ZNF287: variants seen among roughly 807,000 people sequenced by gnomAD.
ZNF287 encodes zinc finger protein 287.
In ZNF287, 31 loss-of-function variants were observed where a neutral mutation model predicts 73.7. The observed-to-expected ratio is 0.42, with a 90% CI of 0.32 to 0.57. The LOEUF (loss-of-function observed/expected upper bound fraction) is 0.57, where lower values mean the gene tolerates loss of function less well. ZNF287 is among the 20% of genes least tolerant of loss of function. The pLI is 0.13. For missense variants in ZNF287, 641 were observed against 909.3 expected (o/e 0.70, Z 3.79); for synonymous variants, 301 against 307.2 (o/e 0.98, Z 0.21).
chr17:16,556,900 T>C (rs1907112967), intron 5 of ZNF287, among the ~76,000 whole-genome samples: 1 of 151,680 alleles, frequency 6.6e-6, no homozygotes, highest in African/African-American at 2.4e-5. Flanking sequence ...CAGGCTGGAG[T>C]GCAATGGCGC....
intron 5 of ZNF287, among the ~76,000 whole-genome samples, chr17:16,556,027 T>C (rs1010784742): frequency 6.7e-6 from 1 of 148,404 alleles, no homozygotes; most frequent in Non-Finnish European, 1.5e-5. Flanking sequence ...TAACAGAATA[T>C]TGATAACTGA....
Position 16,551,669 on chromosome 17 carries a change from CAA to C in ZNF287, c.*185_*186del, listed in dbSNP as rs1463435800. On this transcript the variant is annotated 3_prime_UTR_variant, in exon 6 of 6. Transcript: ENST00000395825. Reference sequence around the variant, plus strand: ...TCATATCAAATTAAGGTTAAGAAGTCAAGTTTCCTTCTTAAATTTCACATTAA... The same window carrying C: ...TCATATCAAATTAAGGTTAAGAAGTCGTTTCCTTCTTAAATTTCACATTAA... The C allele has an allele frequency of 2.7e-5, 15 of 553,300 alleles. No homozygotes were observed. The highest frequency in any genetic ancestry group is 4.2e-5 in the Non-Finnish European group (14 of 333,072). 34.3% of individuals were successfully genotyped at this position (553,300 alleles called of 1,614,324 possible).
intron 5 of ZNF287, among the ~76,000 whole-genome samples, chr17:16,558,746 G>C (rs1193465277): frequency 6.6e-6 from 1 of 152,204 alleles, no homozygotes; most frequent in African/African-American, 2.4e-5. Context: ...TGGAGGCCAA[G>C]GCAGGTGGAT....
intron 5 of ZNF287, among the ~76,000 whole-genome samples, chr17:16,557,812 G>A (rs182465675): frequency 1.3e-5 from 2 of 152,174 alleles, no homozygotes; most frequent in Non-Finnish European, 2.9e-5. Flanking sequence ...CACTATGTAA[G>A]AACAGGCTAG....
intron 5 of ZNF287, among the ~76,000 whole-genome samples, chr17:16,556,743 G>C (rs1387459556): frequency 6.6e-6 from 1 of 152,108 alleles, no homozygotes; most frequent in Non-Finnish European, 1.5e-5. Flanking sequence ...ATCAGTATCA[G>C]TCTATGACAG....
chr17:16,560,328 A>AT (rs1266369561), intron 5 of ZNF287, among the ~76,000 whole-genome samples: 2 of 143,276 alleles, frequency 1.4e-5, no homozygotes, highest in African/African-American at 2.7e-5. Context: ...ATATATATAT[A>AT]TATATGGGGT....
At chr17:16,560,511 A>G (rs937739270) in intron 5 of ZNF287, among the ~76,000 whole-genome samples, 9 of 150,446 alleles carry the variant, frequency 6.0e-5, no homozygotes, top group East Asian at 2.0e-4. Flanking sequence ...CACCACGCCC[A>G]GCTAATTTTT....
rs142144027 is a variant in ZNF287, at chr17:16,548,135, T to C, written c.*3721A>G. 4.3e-4 allele frequency among the ~76,000 whole-genome samples: 66 copies of C among 152,322 alleles called. No homozygotes were observed. Among genetic ancestry groups the C allele is most frequent in the Non-Finnish European group, 5.1e-4 (35 of 68,030 alleles). ...ATGAGACAATGGATTCAGGCAACGA[T>C]CACCGTTGGTTACTTTTTACCAGGT... is the stretch of plus-strand genomic sequence containing the variant. On this transcript the variant is annotated 3_prime_UTR_variant, in exon 6 of 6. Transcript: ENST00000395825.
At chr17:16,563,054 A>C in intron 5 of ZNF287, 92 bp downstream of exon 5, 1 of 1,036,268 alleles carries the variant, frequency 9.7e-7, no homozygotes, top group South Asian at 1.5e-5. Context: ...CTTTGCAAAA[A>C]GTGACCTGGT....
In ZNF287 at chr17:16,552,182, C is replaced by A; in HGVS notation, c.1960G>T (p.Gly654Trp). The change falls in exon 6 of 6, where the codon GGG becomes TGG. Residue 654 changes from glycine to tryptophan, a missense_variant. This residue lies in a region of ZNF287 where 284 missense variants were observed against 466.8 expected (regional missense o/e 0.61). Coordinates refer to ENST00000395825, the MANE Select transcript of ZNF287 (RefSeq NM_020653.4). The surrounding 1 kb of genome is among the most constrained non-coding windows in gnomAD (Gnocchi z 6.5). Reference protein sequence around the residue: ...GEKPFKCNICGKAYRQGANLT... With the variant: ...GEKPFKCNICWKAYRQGANLT... ...TTTGCGCCTTGTCTATATGCTTTCC[C>A]ACATATATTGCATTTAAAGGGTTTT... 6.2e-7 allele frequency: 1 copy of A among 1,613,924 alleles called. No individual in the cohort carries two copies. The highest frequency in any genetic ancestry group is 8.5e-7 in the Non-Finnish European group (1 of 1,179,974).
intron 5 of ZNF287, among the ~76,000 whole-genome samples, chr17:16,561,265 G>T (rs1907438544): frequency 6.6e-6 from 1 of 152,082 alleles, no homozygotes. Flanking sequence ...AGTGAGAGGA[G>T]ATCACGCCAC....
At position 16,553,478 on chromosome 17, in the gene ZNF287, T is replaced by C. The variant is rs116108557; in HGVS notation, c.716-52A>G. The C allele has an allele frequency of 5.5e-4, 739 of 1,336,494 alleles. 5 individuals carry two copies. In the African/African-American group the frequency reaches 0.01, roughly 19 times the overall value. 82.8% of individuals were successfully genotyped at this position (1,336,494 alleles called of 1,614,324 possible). Reference sequence around the variant, plus strand: ...CTTCATTTATTTGGAGAAAGGAAACTGCCAAAATAGAAACAAAAGAATAAA... The same window carrying C: ...CTTCATTTATTTGGAGAAAGGAAACCGCCAAAATAGAAACAAAAGAATAAA... On this transcript the variant is annotated intron_variant, in intron 5 of 5. Coordinates refer to ENST00000395825, the MANE Select transcript of ZNF287 (RefSeq NM_020653.4).
At position 16,550,531 on chromosome 17, in the gene ZNF287, C is replaced by T. The variant is rs559921663; in HGVS notation, c.*1325G>A. 2.6e-5 allele frequency among the ~76,000 whole-genome samples: 4 copies of T among 152,314 alleles called. No individual in the cohort carries two copies. The highest frequency in any genetic ancestry group is 1.9e-4 in the East Asian group (1 of 5,188). ...CATTATTTATATAGCTACACTATCA[C>T]TTCCACTTCCTTCTCTTGGGATATA... On this transcript the variant is annotated 3_prime_UTR_variant, in exon 6 of 6. Coordinates refer to ENST00000395825, the MANE Select transcript of ZNF287 (RefSeq NM_020653.4).
chr17:16,552,503 G>A lies in ZNF287; in HGVS notation c.1639C>T (p.Gln547Ter), dbSNP rs1313113861. Residue 547 changes from glutamine to a stop codon, truncating the protein, a stop_gained, in exon 6 of 6, where the codon CAG (glutamine) becomes TAG (stop). Coordinates refer to ENST00000395825, the MANE Select transcript of ZNF287 (RefSeq NM_020653.4). LOFTEE classifies it high-confidence loss of function. This position sits in a 1 kb window ranked among gnomAD's most constrained non-coding sequence, Gnocchi z 6.5. Reference protein sequence around the residue: ...KCNECWKVFSQSTYLIRHQRI... With the variant: ...KCNECWKVFS ...TGATGTCGAATAAGGTAAGTACTCTGACTAAACACTTTCCAACATTCATTG... is the reference window on the plus strand; with the variant it reads ...TGATGTCGAATAAGGTAAGTACTCTAACTAAACACTTTCCAACATTCATTG... The A allele has an allele frequency of 6.2e-7, 1 of 1,613,976 alleles. No individual in the cohort carries two copies. Among genetic ancestry groups the A allele is most frequent in the African/African-American group, 1.3e-5 (1 of 74,900 alleles).
At position 16,552,682 on chromosome 17, in the gene ZNF287, T is replaced by A; in HGVS notation, c.1460A>T (p.Lys487Ile). The change falls in exon 6 of 6, where the codon AAA (lysine) becomes ATA (isoleucine). Residue 487 changes from lysine to isoleucine, a missense_variant. Transcript: ENST00000395825. The surrounding 1 kb of genome is among the most constrained non-coding windows in gnomAD (Gnocchi z 6.5). ...EKPYKCLECGKTFSHSSSLIN... is the reference protein window; with the variant it reads ...EKPYKCLECGITFSHSSSLIN... ...CAGTGATGAACTATGACTGAAGGTT[T>A]TACCACATTCCAAGCATTTATATGG... 1 of 1,614,178 alleles carries A rather than the reference T, an allele frequency of 6.2e-7. No homozygotes were observed. Among genetic ancestry groups the A allele is most frequent in the South Asian group, 1.1e-5 (1 of 91,084 alleles).
At position 16,552,834 on chromosome 17, in the gene ZNF287, A is replaced by T. The variant is rs1906772338; in HGVS notation, c.1308T>A (p.Arg436=). Residue 436 remains arginine, a synonymous_variant, in exon 6 of 6, where the codon CGT becomes CGA. Transcript: ENST00000395825. The surrounding 1 kb of genome is among the most constrained non-coding windows in gnomAD (Gnocchi z 6.5). ...TTCTCTGATGTATAGTAAGGTGTGC[A>T]CGCTGGCTGAAGGCTTTACCACACT... is the stretch of plus-strand genomic sequence containing the variant. ...CHQCGKAFSQ[R]AHLTIHQRIH... 1 of 1,614,148 alleles carries T rather than the reference A, an allele frequency of 6.2e-7. No homozygotes were observed. Among genetic ancestry groups the T allele is most frequent in the Non-Finnish European group, 8.5e-7 (1 of 1,180,024 alleles).
chr17:16,561,657 C>G (rs958000043), intron 5 of ZNF287, among the ~76,000 whole-genome samples: 5 of 152,156 alleles, frequency 3.3e-5, no homozygotes, highest in African/African-American at 1.2e-4. Flanking sequence ...TGAGGCAAAT[C>G]TAAACTGTAG....
intron 5 of ZNF287, among the ~76,000 whole-genome samples, chr17:16,560,645 G>C (rs9899370): frequency 0.074 from 11,224 of 151,822 alleles, 1,407 homozygotes; most frequent in African/African-American, 0.26. Context: ...ACCGTACCCG[G>C]CTGAAAGGGC....
chr17:16,560,565 G>C lies in ZNF287; in HGVS notation c.715+2581C>G, dbSNP rs569287052. Among the ~76,000 whole-genome samples, 127 of 151,004 alleles carry C rather than the reference G, an allele frequency of 8.4e-4. 1 individual carries two copies. Among genetic ancestry groups the C allele is most frequent in the Admixed American group, 2.2e-3 (33 of 15,184 alleles). On this transcript the variant is annotated intron_variant, in intron 5 of 5. Transcript: ENST00000395825. ...GAGTTTCACTGTGTTGGCCAGGCTG[G>C]TCTTGAACTCCTGACTTCGTGATCC...
Sources: allele counts gnomAD v4.1 joint callset (sites outside exome capture counted in the v4.1 genomes callset), GRCh38; gene constraint gnomAD v4.1.1; regional missense constraint gnomAD v4.1.1; non-coding constraint Gnocchi (gnomAD v3.1); transcripts MANE v1.5; gene names NCBI Gene and HGNC (gene_info 2026-07-23, HGNC 2026-07-21).